ADGRL3: variants seen among roughly 807,000 people sequenced by gnomAD.
The protein encoded by ADGRL3 is calcium-independent alpha-latrotoxin receptor 3.
A neutral mutation model predicts 153.5 loss-of-function variants in ADGRL3; 62 were observed. The observed-to-expected ratio is 0.40, with a 90% CI of 0.33 to 0.50. The LOEUF (loss-of-function observed/expected upper bound fraction) is 0.50. Among genes scored for constraint, ADGRL3 ranks in the 20% least tolerant of loss-of-function variants. ADGRL3 has a pLI of 0.47. For missense variants in ADGRL3, 1,641 were observed against 1,859.4 expected, an observed-to-expected ratio of 0.88 and a Z score of 2.16; for synonymous variants, 710 against 672.5, an observed-to-expected ratio of 1.06 and a Z score of -0.86.
intron 21 of ADGRL3, among the ~76,000 whole-genome samples, chr4:62,010,654 G>A (rs2099181441): frequency 6.6e-6 from 1 of 151,770 alleles, no homozygotes; most frequent in African/African-American, 2.4e-5. Context: ...TTGTTAATAT[G>A]CTACTGTGGC....
intron 8 of ADGRL3, among the ~76,000 whole-genome samples, chr4:61,754,915 C>A (rs1334722966): frequency 6.6e-6 from 1 of 152,078 alleles, no homozygotes; most frequent in East Asian, 1.9e-4. Context: ...TGATGGTTAC[C>A]AGCTTCATGC....
intron 23 of ADGRL3, among the ~76,000 whole-genome samples, chr4:62,037,460 T>C (rs1004562540): frequency 6.6e-6 from 1 of 152,042 alleles, no homozygotes; most frequent in Non-Finnish European, 1.5e-5. Context: ...TAAGAGAAAG[T>C]ACCACTATGA....
At chr4:62,010,058 A>T (rs11131354) in intron 21 of ADGRL3, among the ~76,000 whole-genome samples, 1 of 151,926 alleles carries the variant, frequency 6.6e-6, no homozygotes, top group Non-Finnish European at 1.5e-5. Flanking sequence ...ACCCTCCCAC[A>T]CATGTAGATG....
chr4:61,601,648 G>A (rs1057027757), intron 5 of ADGRL3, among the ~76,000 whole-genome samples: 7 of 152,114 alleles, frequency 4.6e-5, no homozygotes, highest in African/African-American at 1.7e-4. Context: ...TACATGCTAA[G>A]ACTCATAAAT....
intron 2 of ADGRL3, among the ~76,000 whole-genome samples, chr4:61,495,867 T>G (rs1022020454): frequency 1.3e-5 from 2 of 152,230 alleles, no homozygotes; most frequent in African/African-American, 4.8e-5. Context: ...GAGCATTCAA[T>G]TAACCTCTGT....
chr4:61,231,233 C>G (rs887474209), intron 1 of ADGRL3, among the ~76,000 whole-genome samples: 1 of 152,062 alleles, frequency 6.6e-6, no homozygotes, highest in African/African-American at 2.4e-5. Context: ...TTATCTCATA[C>G]GAATTTTTAT....
chr4:61,991,765 C>T (rs2099104595), intron 19 of ADGRL3, among the ~76,000 whole-genome samples: 1 of 151,484 alleles, frequency 6.6e-6, no homozygotes, highest in Non-Finnish European at 1.5e-5. Context: ...TAAGCTGGGG[C>T]CTAGATTTAT....
intron 8 of ADGRL3, among the ~76,000 whole-genome samples, chr4:61,794,417 A>T (rs1210659035): frequency 6.6e-6 from 1 of 152,210 alleles, no homozygotes; most frequent in African/African-American, 2.4e-5. Context: ...CAAAAGAGAA[A>T]GGAAATTTCT....
chr4:61,239,686 A>G (rs1754188113), intron 1 of ADGRL3, among the ~76,000 whole-genome samples: 1 of 152,144 alleles, frequency 6.6e-6, no homozygotes, highest in Admixed American at 6.6e-5. Context: ...GAAGCTGGAA[A>G]TATAATGCTT....
At chr4:61,949,785 G>C (rs1251459225) in intron 17 of ADGRL3, among the ~76,000 whole-genome samples, 1 of 152,056 alleles carries the variant, frequency 6.6e-6, no homozygotes, top group Non-Finnish European at 1.5e-5. Flanking sequence ...TAGTCTTTAA[G>C]ATTATTAATC....
chr4:62,049,577 TA>T (rs1733026574), intron 25 of ADGRL3, among the ~76,000 whole-genome samples: 1 of 152,174 alleles, frequency 6.6e-6, no homozygotes, highest in African/African-American at 2.4e-5. Flanking sequence ...ATGTAATTGG[TA>T]AAATTGCGAT....
At chr4:61,917,772 A>T (rs1164292482) in intron 13 of ADGRL3, among the ~76,000 whole-genome samples, 1 of 152,208 alleles carries the variant, frequency 6.6e-6, no homozygotes, top group Non-Finnish European at 1.5e-5. Flanking sequence ...AACTATGCTG[A>T]TATGCAGGAG....
In ADGRL3 at chr4:61,664,560, TTTC is replaced by T. The variant is rs1580166547; in HGVS notation, c.474-12263_474-12261del. On this transcript the variant is annotated intron_variant, in intron 5 of 26. Coordinates refer to ENST00000683033, the MANE Select transcript of ADGRL3 (RefSeq NM_001387552.1). ...TTTCATTTTAAATTTCAATATGGATTTTCTTTTTAGGTCAATAAAGGAAGAGTT... is the reference window on the plus strand; with the variant it reads ...TTTCATTTTAAATTTCAATATGGATTTTTTTAGGTCAATAAAGGAAGAGTT... 3.9e-5 allele frequency among the ~76,000 whole-genome samples: 6 copies of T among 152,288 alleles called. No individual in the cohort carries two copies. In the East Asian group the frequency reaches 1.2e-3, roughly 29 times the overall value.
intron 25 of ADGRL3, among the ~76,000 whole-genome samples, chr4:62,061,692 G>A (rs1035930320): frequency 3.9e-5 from 6 of 151,908 alleles, no homozygotes; most frequent in African/African-American, 7.2e-5. Flanking sequence ...AACATTACAC[G>A]TATAAATGGA....
chr4:61,291,571 T>TATATATATATAC (rs2094201683), intron 1 of ADGRL3, among the ~76,000 whole-genome samples: 3 of 13,866 alleles, frequency 2.2e-4, no homozygotes, highest in Admixed American at 1.2e-3. Flanking sequence ...TATATACATA[T>TATATATATATAC]ATATATATAT....
chr4:61,484,443 C>T (rs148463726), intron 2 of ADGRL3, among the ~76,000 whole-genome samples: 60 of 152,134 alleles, frequency 3.9e-4, no homozygotes, highest in African/African-American at 9.4e-4. Context: ...GTCAATTTTG[C>T]GAGGATTTAA....
chr4:61,721,275 A>G (rs1036886314), intron 6 of ADGRL3, among the ~76,000 whole-genome samples: 9 of 152,176 alleles, frequency 5.9e-5, no homozygotes, highest in Non-Finnish European at 1.2e-4. Context: ...AGCCAGTCTG[A>G]GTCCCAAAAC....
At chr4:61,914,037 T>C (rs2098734082) in intron 13 of ADGRL3, among the ~76,000 whole-genome samples, 1 of 152,170 alleles carries the variant, frequency 6.6e-6, no homozygotes, top group Non-Finnish European at 1.5e-5. Context: ...TCTAGGATTT[T>C]ACTATCTAGG....
intron 25 of ADGRL3, chr4:62,063,547 C>T (rs1430678881): frequency 2.9e-6 from 2 of 698,860 alleles, no homozygotes; most frequent in Non-Finnish European, 5.2e-6. Flanking sequence ...CTGCTTCGTC[C>T]GCATGGTACT....
Sources: allele counts gnomAD v4.1 joint callset (sites outside exome capture counted in the v4.1 genomes callset), GRCh38; gene constraint gnomAD v4.1.1; transcripts MANE v1.5; gene names NCBI Gene and HGNC (gene_info 2026-07-23, HGNC 2026-07-21).